The following CFAP300 variants were observed in gnomAD, a reference collection of about 807,000 sequenced individuals.
CFAP300 encodes the protein cilia- and flagella-associated protein 300.
CFAP300 carries 32 observed loss-of-function variants against 33.0 expected under a neutral mutation model. The ratio of observed to expected loss-of-function variants is 0.97; its 90% CI spans 0.73 to 1.30. The LOEUF is 1.30. Ranked by LOEUF, CFAP300 falls within the 50% of genes most tolerant of loss-of-function variation. The pLI is 0.00. For synonymous variants in CFAP300, 102 were observed against 106.8 expected (o/e 0.95, Z 0.28); for missense variants, 356 against 318.1 (o/e 1.12, Z -0.90).
intron 6 of CFAP300, 102 bp downstream of exon 6, chr11:102,081,383 G>A: frequency 1.1e-6 from 1 of 895,198 alleles, no homozygotes; most frequent in Non-Finnish European, 1.8e-6. Context: ...ATGCCTAGGA[G>A]AAAAGACAAT....
chr11:102,073,154 G>A (rs1481363312), intron 4 of CFAP300, among the ~76,000 whole-genome samples: 5 of 152,222 alleles, frequency 3.3e-5, no homozygotes, highest in African/African-American at 1.2e-4. Context: ...TGGGCTGGGT[G>A]TGTGGATGTG....
chr11:102,072,571 G>C (rs567127761), intron 4 of CFAP300, among the ~76,000 whole-genome samples: 1 of 151,900 alleles, frequency 6.6e-6, no homozygotes, highest in East Asian at 1.9e-4. Flanking sequence ...CCAAAGTTTT[G>C]GGATTACAGG....
rs1054808452 is a variant in CFAP300 at position 102,047,986 on chromosome 11, C to T, written c.192+90C>T. 23 of 1,221,888 alleles carry T rather than the reference C, an allele frequency of 1.9e-5. No homozygotes were observed. The South Asian group carries it at 3.3e-4, about 17-fold the overall frequency. 75.7% of individuals were successfully genotyped at this position (1,221,888 alleles called of 1,614,324 possible). ...CATAGATTCTTGTGAACACGCTATTCCTTACTGACGTCGTTTTCTTGGCGT... is the reference window on the plus strand; with the variant it reads ...CATAGATTCTTGTGAACACGCTATTTCTTACTGACGTCGTTTTCTTGGCGT... On this transcript the variant is annotated intron_variant, in intron 2 of 6. Transcript: ENST00000434758.
Position 102,047,837 on chromosome 11 carries a change from G to A in CFAP300, c.133G>A (p.Ala45Thr). The A allele has an allele frequency of 6.2e-7, 1 of 1,614,194 alleles. No homozygotes were observed. The highest frequency in any genetic ancestry group is 1.3e-5 in the African/African-American group (1 of 75,046). Reference sequence around the variant, plus strand: ...CAGGTCCATGCTGGGCAGAATCAAGGCGCAGGCGTTCGGCTTTGACCAGAC... The same window carrying A: ...CAGGTCCATGCTGGGCAGAATCAAGACGCAGGCGTTCGGCTTTGACCAGAC... Reference protein sequence around the residue: ...RQWSMLGRIKAQAFGFDQTFQ... With the variant: ...RQWSMLGRIKTQAFGFDQTFQ... Residue 45 changes from alanine (A) to threonine (T), a missense_variant, in exon 2 of 7, where the codon GCG (alanine) becomes ACG (threonine). Physicochemically the swap from Ala to Thr is moderately conservative, Grantham distance 58. Transcript: ENST00000434758.
At chr11:102,069,367 C>G (rs1942276076) in intron 4 of CFAP300, among the ~76,000 whole-genome samples, 1 of 152,192 alleles carries the variant, frequency 6.6e-6, no homozygotes, top group African/African-American at 2.4e-5. Flanking sequence ...AACCACTTTC[C>G]TGACTGTGGC....
intron 3 of CFAP300, among the ~76,000 whole-genome samples, chr11:102,066,135 T>C (rs1268588658): frequency 6.6e-6 from 1 of 152,026 alleles, no homozygotes; most frequent in South Asian, 2.1e-4. Context: ...TAGCCATGCC[T>C]GGCTAATTTT....
intron 3 of CFAP300, among the ~76,000 whole-genome samples, chr11:102,061,602 C>T (rs1163094594): frequency 1.3e-5 from 2 of 152,192 alleles, no homozygotes; most frequent in East Asian, 3.8e-4. Flanking sequence ...TCCTTTCATT[C>T]ATGAAACAAT....
Position 102,047,478 on chromosome 11 carries a change from C to G in CFAP300, c.8C>G (p.Thr3Ser), listed in dbSNP as rs1285800517. The stretch of plus-strand genomic sequence containing the variant: ...CACCCAGCCGAGAGCACGATGGCTA[C>G]TGGGGAGCTCGGGGACTTGGGTGGC... MATGELGDLGGYY... is the reference protein window; with the variant it reads MASGELGDLGGYY... Residue 3 changes from threonine (T) to serine (S), a missense_variant, in exon 1 of 7, where the codon ACT becomes AGT. By Grantham distance (58) the Thr-to-Ser change is moderately conservative (BLOSUM62 1). Coordinates refer to ENST00000434758, the MANE Select transcript of CFAP300 (RefSeq NM_032930.3). The G allele has an allele frequency of 2.6e-6, 4 of 1,535,942 alleles. No homozygotes were observed. In the South Asian group the frequency reaches 3.6e-5, roughly 14 times the overall value.
intron 5 of CFAP300, 126 bp from the exon 6 acceptor site, chr11:102,081,088 AG>A (rs1942466763): frequency 1.6e-6 from 1 of 620,244 alleles, no homozygotes; most frequent in Admixed American, 3.6e-5. Flanking sequence ...CAAACCACTT[AG>A]TTGGATAGTA....
chr11:102,060,992 A>G (rs142010974), intron 3 of CFAP300, among the ~76,000 whole-genome samples: 1 of 152,354 alleles, frequency 6.6e-6, no homozygotes, highest in East Asian at 1.9e-4. Context: ...TTTAGAAAAC[A>G]TGTTTACAGT....
chr11:102,052,265 C>G (rs953503854), intron 2 of CFAP300, among the ~76,000 whole-genome samples: 1 of 152,120 alleles, frequency 6.6e-6, no homozygotes, highest in African/African-American at 2.4e-5. Flanking sequence ...ATTACTAAAT[C>G]TGAATTAAAT....
Position 102,058,806 on chromosome 11 carries a change from A to G in CFAP300, c.193-74A>G, listed in dbSNP as rs1377189124. 4 of 827,132 alleles carry G rather than the reference A, an allele frequency of 4.8e-6. No individual in the cohort carries two copies. The South Asian group carries it at 5.1e-5, about 10-fold the overall frequency. The allele number at this position is 827,132 out of a possible 1,614,324, so 51.2% of individuals were successfully genotyped here. On this transcript the variant is annotated intron_variant, in intron 2 of 6. Coordinates refer to ENST00000434758, the MANE Select transcript of CFAP300 (RefSeq NM_032930.3). The stretch of plus-strand genomic sequence containing the variant: ...TTCTATTTGAATTAAAGGAGATTAT[A>G]GTTATTTTATGTTAATTTTTACTAT...
rs1942517332 is a variant in CFAP300 at position 102,084,365 on chromosome 11, T to G, written c.*1166T>G. 1 of 152,204 alleles carries G rather than the reference T, an allele frequency of 6.6e-6. No homozygotes were observed. Among genetic ancestry groups the G allele is most frequent in the Non-Finnish European group, 1.5e-5 (1 of 68,026 alleles). The allele number at this position is 152,204 out of a possible 1,614,324, so 9.4% of individuals were successfully genotyped here. On this transcript the variant is annotated 3_prime_UTR_variant, in exon 7 of 7. Transcript: ENST00000434758. ...GGGATAAAGACGATAATCTTGGACT[T>G]GAACCTGGATTTGAATCTGGAATGC...
At chr11:102,061,226 C>G (rs540232184) in intron 3 of CFAP300, among the ~76,000 whole-genome samples, 2 of 152,272 alleles carry the variant, frequency 1.3e-5, no homozygotes, top group African/African-American at 4.8e-5. Context: ...AGCAGAAGTT[C>G]TAGTGGAATG....
Position 102,083,200 on chromosome 11 carries a change from T to C in CFAP300, c.*1T>C. 1.3e-6 allele frequency: 2 copies of C among 1,484,544 alleles called. No homozygotes were observed. Among genetic ancestry groups the C allele is most frequent in the Non-Finnish European group, 9.0e-7 (1 of 1,109,436 alleles). 92.0% of individuals were successfully genotyped at this position (1,484,544 alleles called of 1,614,324 possible). A position where few individuals can be genotyped will look rare whatever the true frequency, so the allele number is the denominator to read the frequency against. On this transcript the variant is annotated 3_prime_UTR_variant, in exon 7 of 7. Transcript: ENST00000434758. ...TTATGGTGTGGGAGACATGTCTTAA[T>C]GTTCTTTCAGATTATGTACCTCTAC...
At chr11:102,076,448 G>T (rs563861080) in intron 5 of CFAP300, among the ~76,000 whole-genome samples, 52 of 152,206 alleles carry the variant, frequency 3.4e-4, no homozygotes, top group Non-Finnish European at 6.9e-4. Flanking sequence ...AGAAGTGGAA[G>T]AATTTTCACG....
intron 2 of CFAP300, 101 bp from the exon 3 acceptor site, chr11:102,058,779 C>A (rs1942096319): frequency 1.5e-6 from 1 of 684,908 alleles, no homozygotes; most frequent in Non-Finnish European, 2.4e-6. Context: ...TAAAATTGTC[C>A]TTTCTATTTG....
intron 2 of CFAP300, among the ~76,000 whole-genome samples, chr11:102,052,359 C>A (rs976238222): frequency 1.3e-5 from 2 of 152,132 alleles, no homozygotes; most frequent in Admixed American, 6.5e-5. Context: ...GTTTATGTAT[C>A]TTTTTCAAAA....
chr11:102,065,660 G>T (rs367829852), intron 3 of CFAP300, among the ~76,000 whole-genome samples: 1 of 151,666 alleles, frequency 6.6e-6, no homozygotes, highest in Admixed American at 6.6e-5. Context: ...CCAGATACTC[G>T]GGAGGCTGAG....
Sources: allele counts gnomAD v4.1 joint callset (sites outside exome capture counted in the v4.1 genomes callset), GRCh38; gene constraint gnomAD v4.1.1; transcripts MANE v1.5; gene names NCBI Gene and HGNC (gene_info 2026-07-23, HGNC 2026-07-21).